GPC6: variants seen among roughly 807,000 people sequenced by gnomAD.
GPC6 encodes the protein glypican-6.
GPC6 carries 14 observed loss-of-function variants against 55.2 expected under a neutral mutation model. That is an observed-to-expected ratio of 0.25 (90% CI 0.17 to 0.40). The LOEUF (loss-of-function observed/expected upper bound fraction) is 0.40. Among genes scored for constraint, GPC6 ranks in the 10% least tolerant of loss-of-function variants. GPC6 has a pLI of 1.00. For synonymous variants in GPC6, 278 were observed against 259.6 expected, an observed-to-expected ratio of 1.07 and a Z score of -0.68; for missense variants, 641 against 708.5, an observed-to-expected ratio of 0.90 and a Z score of 1.08.
At chr13:94,181,219 C>T (rs115889957) in intron 4 of GPC6, among the ~76,000 whole-genome samples, 443 of 152,240 alleles carry the variant, frequency 2.9e-3, no homozygotes, top group African/African-American at 0.01. Context: ...TCTTTGTACA[C>T]CCCTCCCCTT....
At chr13:93,763,614 T>TG (rs1885020746) in intron 2 of GPC6, among the ~76,000 whole-genome samples, 1 of 152,220 alleles carries the variant, frequency 6.6e-6, no homozygotes, top group South Asian at 2.1e-4. Flanking sequence ...CCTGGACAAC[T>TG]GTTCTTTCCA....
intron 1 of GPC6, among the ~76,000 whole-genome samples, chr13:93,232,884 T>C (rs1246933216): frequency 1.3e-5 from 2 of 152,126 alleles, no homozygotes; most frequent in African/African-American, 4.8e-5. Context: ...AAAATGATTT[T>C]AATCTTTTGA....
intron 7 of GPC6, among the ~76,000 whole-genome samples, chr13:94,389,715 T>A (rs1880562409): frequency 6.6e-6 from 1 of 152,198 alleles, no homozygotes; most frequent in Non-Finnish European, 1.5e-5. Context: ...CAAGTCCCAC[T>A]GGCACACATG....
chr13:93,411,424 C>T (rs1180088130), intron 1 of GPC6, among the ~76,000 whole-genome samples: 3 of 152,220 alleles, frequency 2.0e-5, no homozygotes, highest in Non-Finnish European at 4.4e-5. Context: ...TGGCTACAGA[C>T]GTGGAGCAGA....
intron 1 of GPC6, among the ~76,000 whole-genome samples, chr13:93,264,323 A>G (rs1877251282): frequency 6.6e-6 from 1 of 152,216 alleles, no homozygotes; most frequent in South Asian, 2.1e-4. Context: ...GTGGCTACCA[A>G]AATGCACAGA....
intron 1 of GPC6, among the ~76,000 whole-genome samples, chr13:93,406,902 A>G (rs1259185543): frequency 6.6e-6 from 1 of 152,216 alleles, no homozygotes; most frequent in Admixed American, 6.6e-5. Flanking sequence ...AAAGTGAAGG[A>G]CTGTTCTAGA....
intron 3 of GPC6, among the ~76,000 whole-genome samples, chr13:93,875,512 T>A (rs531168274): frequency 6.6e-6 from 1 of 152,244 alleles, no homozygotes; most frequent in East Asian, 1.9e-4. Flanking sequence ...CCAGCCCACC[T>A]GCTTTAATTA....
intron 1 of GPC6, among the ~76,000 whole-genome samples, chr13:93,364,565 G>T (rs544346664): frequency 6.6e-6 from 1 of 151,886 alleles, no homozygotes; most frequent in South Asian, 2.1e-4. Context: ...GCAGTGATGG[G>T]ATAGTAAAAG....
At chr13:93,421,845 T>C (rs910928100) in intron 1 of GPC6, among the ~76,000 whole-genome samples, 1 of 152,176 alleles carries the variant, frequency 6.6e-6, no homozygotes, top group Non-Finnish European at 1.5e-5. Context: ...AGAACTGTTA[T>C]TAAAGTGGAT....
chr13:93,979,300 TG>T (rs1880668883), intron 3 of GPC6, among the ~76,000 whole-genome samples: 1 of 150,814 alleles, frequency 6.6e-6, no homozygotes, highest in Admixed American at 6.6e-5. Flanking sequence ...TGTGTGTGTG[TG>T]TGTGTGTGTG....
At chr13:93,281,138 C>T (rs1205401689) in intron 1 of GPC6, among the ~76,000 whole-genome samples, 1 of 152,200 alleles carries the variant, frequency 6.6e-6, no homozygotes, top group Non-Finnish European at 1.5e-5. Context: ...GATTTGGCCT[C>T]CAGATTCTAC....
At chr13:93,872,175 C>G (rs761351768) in intron 3 of GPC6, among the ~76,000 whole-genome samples, 1 of 151,862 alleles carries the variant, frequency 6.6e-6, no homozygotes, top group Non-Finnish European at 1.5e-5. Context: ...TACCCTGATG[C>G]TTCCTGAAGA....
At chr13:94,166,738 G>A (rs1454362882) in intron 4 of GPC6, among the ~76,000 whole-genome samples, 1 of 152,110 alleles carries the variant, frequency 6.6e-6, no homozygotes, top group Non-Finnish European at 1.5e-5. Context: ...GCATTAAGCT[G>A]TAGTACACTG....
At chr13:94,197,423 A>G (rs926432604) in intron 4 of GPC6, among the ~76,000 whole-genome samples, 2 of 152,208 alleles carry the variant, frequency 1.3e-5, no homozygotes, top group Non-Finnish European at 2.9e-5. Context: ...ATTTATTATA[A>G]TTCTAGAGAC....
chr13:94,347,108 T>C (rs1878329181), intron 6 of GPC6, among the ~76,000 whole-genome samples: 1 of 152,200 alleles, frequency 6.6e-6, no homozygotes, highest in Admixed American at 6.5e-5. Flanking sequence ...CTCAAGGAAC[T>C]GGGGGTGATG....
At chr13:93,918,609 A>T (rs1424995683) in intron 3 of GPC6, among the ~76,000 whole-genome samples, 1 of 152,182 alleles carries the variant, frequency 6.6e-6, no homozygotes, top group Non-Finnish European at 1.5e-5. Flanking sequence ...TCTCATACAC[A>T]TCCATGTTGT....
intron 3 of GPC6, among the ~76,000 whole-genome samples, chr13:94,005,990 T>C (rs1043961212): frequency 6.6e-6 from 1 of 152,202 alleles, no homozygotes; most frequent in Non-Finnish European, 1.5e-5. Flanking sequence ...TGAAACTCTT[T>C]CTTTCCTAAG....
intron 2 of GPC6, among the ~76,000 whole-genome samples, chr13:93,590,830 A>G (rs995499243): frequency 3.9e-5 from 6 of 152,148 alleles, no homozygotes; most frequent in African/African-American, 1.4e-4. Context: ...CATTTATAAC[A>G]TTCAATTTTT....
chr13:93,975,224 A>G (rs1880463604), intron 3 of GPC6, among the ~76,000 whole-genome samples: 1 of 152,194 alleles, frequency 6.6e-6, no homozygotes, highest in Non-Finnish European at 1.5e-5. Flanking sequence ...ACTGATACAA[A>G]AATTTTTTTA....
Sources: gnomAD v4.1 joint callset for allele counts (sites outside exome capture counted in the v4.1 genomes callset) on GRCh38, gnomAD v4.1.1 for gene constraint, MANE v1.5 for transcripts, NCBI Gene and HGNC (gene_info 2026-07-23, HGNC 2026-07-21) for gene names.